GRIN2A: variants seen among roughly 807,000 people sequenced by gnomAD.
The protein encoded by GRIN2A is glutamate ionotropic receptor NMDA type subunit 2A.
In GRIN2A, 22 loss-of-function variants were observed where a neutral mutation model predicts 113.4. The ratio of observed to expected loss-of-function variants is 0.19; its 90% CI spans 0.14 to 0.28. GRIN2A has a LOEUF of 0.28. GRIN2A is among the 10% of genes least tolerant of loss of function. The probability of loss-of-function intolerance (pLI) is 1.00; values close to 1 mark genes in which losing one functional copy is unlikely to be tolerated. For synonymous variants in GRIN2A, 827 were observed against 738.4 expected (o/e 1.12, Z -1.94); for missense variants, 1,502 against 1,887.0 (o/e 0.80, Z 3.78).
At chr16:10,165,180 G>C (rs2049886784) in intron 2 of GRIN2A, among the ~76,000 whole-genome samples, 1 of 152,050 alleles carries the variant, frequency 6.6e-6, no homozygotes, top group Non-Finnish European at 1.5e-5. Flanking sequence ...TAAATCATGA[G>C]ATATCCACAG....
intron 2 of GRIN2A, among the ~76,000 whole-genome samples, chr16:10,140,067 T>C (rs970957909): frequency 6.6e-6 from 1 of 152,186 alleles, no homozygotes; most frequent in Non-Finnish European, 1.5e-5. Flanking sequence ...GTAATCAGGC[T>C]GTCCCAGGCA....
At chr16:10,103,976 G>GT (rs2048447211) in intron 2 of GRIN2A, among the ~76,000 whole-genome samples, 2 of 152,154 alleles carry the variant, frequency 1.3e-5, no homozygotes, top group Admixed American at 1.3e-4. Context: ...CCAGCAGCCT[G>GT]TACCTCCCTT....
In GRIN2A at chr16:9,761,040, G is replaced by A. The variant is rs1174813069; in HGVS notation, c.*2109C>T. 8.6e-6 allele frequency: 2 copies of A among 232,766 alleles called. No homozygotes were observed. The highest frequency in any genetic ancestry group is 1.2e-4 in the East Asian group (2 of 16,566). 14.4% of individuals were successfully genotyped at this position (232,766 alleles called of 1,614,324 possible). On this transcript the variant is annotated 3_prime_UTR_variant, in exon 13 of 13. Coordinates refer to ENST00000330684, the MANE Select transcript of GRIN2A (RefSeq NM_001134407.3). ...CCGGGAAATAAAATGTCATTTTCAA[G>A]CACATGCATCCCCAGCACCTAGTCA...
intron 2 of GRIN2A, among the ~76,000 whole-genome samples, chr16:10,177,452 A>G (rs2050170963): frequency 6.6e-6 from 1 of 152,110 alleles, no homozygotes; most frequent in African/African-American, 2.4e-5. Context: ...TCCAAGACCA[A>G]CTCTGAAAGT....
At chr16:10,128,438 A>C (rs1287351852) in intron 2 of GRIN2A, among the ~76,000 whole-genome samples, 1 of 152,136 alleles carries the variant, frequency 6.6e-6, no homozygotes, top group Non-Finnish European at 1.5e-5. Flanking sequence ...TGTAATATTA[A>C]CCTATCTGGG....
chr16:10,022,680 T>A (rs775275357), intron 2 of GRIN2A, among the ~76,000 whole-genome samples: 1 of 152,204 alleles, frequency 6.6e-6, no homozygotes, highest in Non-Finnish European at 1.5e-5. Flanking sequence ...ATTTTGAGGA[T>A]GATAAATAAG....
intron 2 of GRIN2A, among the ~76,000 whole-genome samples, chr16:10,074,085 T>TA (rs1361950350): frequency 2.4e-4 from 37 of 152,298 alleles, no homozygotes; most frequent in African/African-American, 8.9e-4. Flanking sequence ...AGACATTTCT[T>TA]ACAAGATGGC....
intron 4 of GRIN2A, among the ~76,000 whole-genome samples, chr16:9,870,249 C>G (rs2043233922): frequency 6.6e-6 from 1 of 152,124 alleles, no homozygotes; most frequent in Admixed American, 6.6e-5. Context: ...TAATGCATGC[C>G]ATTAATTTCA....
intron 2 of GRIN2A, among the ~76,000 whole-genome samples, chr16:10,039,454 G>T (rs1053285010): frequency 6.6e-6 from 1 of 152,166 alleles, no homozygotes; most frequent in African/African-American, 2.4e-5. Context: ...AACTGTAAAA[G>T]ATAGAGTTGT....
At chr16:10,165,992 C>G (rs1394382452) in intron 2 of GRIN2A, among the ~76,000 whole-genome samples, 3 of 152,166 alleles carry the variant, frequency 2.0e-5, no homozygotes, top group Non-Finnish European at 4.4e-5. Context: ...AGAACTACAG[C>G]AAGCCTGCCT....
intron 2 of GRIN2A, among the ~76,000 whole-genome samples, chr16:10,119,008 A>G (rs548787468): frequency 2.0e-5 from 3 of 152,212 alleles, no homozygotes; most frequent in South Asian, 2.1e-4. Context: ...AAGAGCCACA[A>G]TATGGCAGAA....
chr16:9,828,259 T>TA (rs1435670742), intron 9 of GRIN2A, among the ~76,000 whole-genome samples: 1 of 152,116 alleles, frequency 6.6e-6, no homozygotes, highest in African/African-American at 2.4e-5. Context: ...TGTGCCATGG[T>TA]AAGTAAAGTG....
intron 2 of GRIN2A, among the ~76,000 whole-genome samples, chr16:10,113,367 C>T (rs1322831751): frequency 2.6e-5 from 4 of 152,210 alleles, no homozygotes; most frequent in Non-Finnish European, 4.4e-5. Context: ...CCCCCTTCCC[C>T]GGTCCTGGGC....
chr16:9,788,212 TTC>T (rs889291787), intron 11 of GRIN2A, among the ~76,000 whole-genome samples: 1 of 152,062 alleles, frequency 6.6e-6, no homozygotes, highest in African/African-American at 2.4e-5. Flanking sequence ...CCTCCCTTTT[TTC>T]TCTCTCTTCC....
intron 2 of GRIN2A, among the ~76,000 whole-genome samples, chr16:10,134,373 G>A (rs572624927): frequency 1.9e-3 from 280 of 150,238 alleles, no homozygotes; most frequent in South Asian, 8.8e-3. Flanking sequence ...AGTTTTAACC[G>A]TCATTTCCTG....
chr16:9,857,483 G>A (rs1174283738), intron 4 of GRIN2A, among the ~76,000 whole-genome samples: 1 of 152,100 alleles, frequency 6.6e-6, no homozygotes, highest in Non-Finnish European at 1.5e-5. Context: ...AATTCAAAAG[G>A]GAGAGTTTTT....
At chr16:9,905,555 G>A (rs2044010353) in intron 3 of GRIN2A, among the ~76,000 whole-genome samples, 1 of 152,080 alleles carries the variant, frequency 6.6e-6, no homozygotes, top group Admixed American at 6.6e-5. Context: ...TGTTCTAAAC[G>A]AACTGAAAAA....
At chr16:10,126,161 A>ATTTTTTTTTTTTTTTTTTTTTT (rs1567317310) in intron 2 of GRIN2A, among the ~76,000 whole-genome samples, 1 of 80,904 alleles carries the variant, frequency 1.2e-5, no homozygotes, top group African/African-American at 4.1e-5. Flanking sequence ...ATTTCTTTAT[A>ATTTTTTTTTTTTTTTTTTTTTT]TATATATATA....
chr16:9,978,772 C>T (rs3897996), intron 2 of GRIN2A, among the ~76,000 whole-genome samples: 12,959 of 152,196 alleles, frequency 0.085, 657 homozygotes, highest in Non-Finnish European at 0.1. Context: ...CCTCTGTATT[C>T]GGAACGGATG....
Sources: allele counts gnomAD v4.1 joint callset (sites outside exome capture counted in the v4.1 genomes callset), GRCh38; gene constraint gnomAD v4.1.1; transcripts MANE v1.5; gene names NCBI Gene and HGNC (gene_info 2026-07-23, HGNC 2026-07-21).